The following CNOT4 variants were observed in gnomAD, a reference collection of about 807,000 sequenced individuals.
CNOT4 encodes the protein CCR4-associated factor 4.
CNOT4 carries 8 observed loss-of-function variants against 73.8 expected under a neutral mutation model. The observed-to-expected ratio is 0.11, with a 90% CI of 0.06 to 0.20. CNOT4 has a LOEUF of 0.20. Ranked by LOEUF, CNOT4 falls within the 10% of genes least tolerant of loss-of-function variation. The probability of loss-of-function intolerance (pLI) is 1.00; values close to 1 mark genes in which losing one functional copy is unlikely to be tolerated. For missense variants in CNOT4, 564 were observed against 883.4 expected, an observed-to-expected ratio of 0.64 and a Z score of 4.58; for synonymous variants, 293 against 321.1, an observed-to-expected ratio of 0.91 and a Z score of 0.94.
intron 10 of CNOT4, among the ~76,000 whole-genome samples, chr7:135,368,707 T>C (rs1795041873): frequency 6.6e-6 from 1 of 152,082 alleles, no homozygotes; most frequent in African/African-American, 2.4e-5. Flanking sequence ...TCACAACAGG[T>C]TGAAACTATC....
chr7:135,415,320 T>C lies in CNOT4; in HGVS notation c.373-58A>G, dbSNP rs1050008682. 11 of 852,776 alleles carry C rather than the reference T, an allele frequency of 1.3e-5. No homozygotes were observed. In the African/African-American group the frequency reaches 1.9e-4, roughly 15 times the overall value. The allele number at this position is 852,776 out of a possible 1,614,324, so 52.8% of individuals were successfully genotyped here. A position where few individuals can be genotyped will look rare whatever the true frequency, so the allele number is the denominator to read the frequency against. ...TCCCCATTTTAAACAACTTTATCCT[T>C]ATAATGGAGACATTCATCATCCCTC... On this transcript the variant is annotated intron_variant, in intron 3 of 11. Transcript: ENST00000541284.
intron 1 of CNOT4, among the ~76,000 whole-genome samples, chr7:135,440,221 TA>T (rs71174523): frequency 0.027 from 2,906 of 107,398 alleles, 21 homozygotes; most frequent in Middle Eastern, 0.052. Context: ...ACAGACAAGT[TA>T]AAAAAAAAAA....
chr7:135,421,977 C>T (rs1392717216), intron 3 of CNOT4, among the ~76,000 whole-genome samples, 179 bp downstream of exon 3: 3 of 152,152 alleles, frequency 2.0e-5, no homozygotes, highest in African/African-American at 4.8e-5. Flanking sequence ...AAGACACTTG[C>T]CTAAGATCAC....
intron 8 of CNOT4, 30 bp from the exon 9 acceptor site, chr7:135,395,913 T>A: frequency 6.9e-7 from 1 of 1,455,624 alleles, no homozygotes; most frequent in South Asian, 1.2e-5. Context: ...AAATAATAAC[T>A]ACATGTTTAT....
chr7:135,498,692 G>A (rs969856006), intron 1 of CNOT4, among the ~76,000 whole-genome samples: 5 of 152,130 alleles, frequency 3.3e-5, no homozygotes, highest in African/African-American at 9.7e-5. Flanking sequence ...GGGATTACAG[G>A]CACATGCCAC....
At chr7:135,372,592 C>T (rs1444152701) in intron 10 of CNOT4, among the ~76,000 whole-genome samples, 1 of 145,252 alleles carries the variant, frequency 6.9e-6, no homozygotes, top group East Asian at 2.1e-4. Flanking sequence ...AGTCTCGCTG[C>T]GTCGCTCAGC....
In CNOT4 at chr7:135,363,272, A is replaced by G; in HGVS notation, c.1841-86T>C. On this transcript the variant is annotated intron_variant, in intron 11 of 11. Transcript: ENST00000541284. The surrounding 1 kb of genome is among the most constrained non-coding windows in gnomAD (Gnocchi z 4.3). ...TCAAACAAATTTAGAAAGCAAAACCAAAAGGAAAGACAGAAGAGATTACAA... is the reference window on the plus strand; with the variant it reads ...TCAAACAAATTTAGAAAGCAAAACCGAAAGGAAAGACAGAAGAGATTACAA... 8.0e-7 allele frequency: 1 copy of G among 1,244,236 alleles called. No individual in the cohort carries two copies. Among genetic ancestry groups the G allele is most frequent in the Admixed American group, 1.8e-5 (1 of 56,524 alleles). 77.1% of individuals were successfully genotyped at this position (1,244,236 alleles called of 1,614,324 possible). A position where few individuals can be genotyped will look rare whatever the true frequency, so the allele number is the denominator to read the frequency against.
intron 2 of CNOT4, among the ~76,000 whole-genome samples, chr7:135,432,005 T>C (rs2129485028): frequency 1.3e-5 from 2 of 152,306 alleles, no homozygotes; most frequent in East Asian, 3.9e-4. Context: ...ACTCACAAAC[T>C]GATTCAAAAA....
intron 7 of CNOT4, among the ~76,000 whole-genome samples, chr7:135,400,750 T>C (rs1266410893): frequency 1.3e-5 from 2 of 152,158 alleles, no homozygotes; most frequent in Admixed American, 1.3e-4. Flanking sequence ...GTTTTAAAAT[T>C]TGTAGATTGT....
intron 1 of CNOT4, among the ~76,000 whole-genome samples, chr7:135,442,072 T>C (rs951656575): frequency 2.0e-5 from 3 of 152,214 alleles, no homozygotes; most frequent in Non-Finnish European, 4.4e-5. Flanking sequence ...AAAGTAACTA[T>C]ATGATCTTGG....
At position 135,441,378 on chromosome 7, in the gene CNOT4, T is replaced by C. The variant is rs112760657; in HGVS notation, c.-92-2955A>G. On this transcript the variant is annotated intron_variant, in intron 1 of 11. Transcript: ENST00000541284. ...AATACAACGAAATAGTGTCTTCTTG[T>C]GAATCTATAATTATTTCAAAATAAA... is the stretch of plus-strand genomic sequence containing the variant. 2.6e-5 allele frequency among the ~76,000 whole-genome samples: 4 copies of C among 151,608 alleles called. 1 individual carries two copies. The highest frequency in any genetic ancestry group is 9.7e-5 in the African/African-American group (4 of 41,330).
intron 2 of CNOT4, among the ~76,000 whole-genome samples, chr7:135,437,231 C>T (rs1026858827): frequency 6.6e-6 from 1 of 151,458 alleles, no homozygotes; most frequent in African/African-American, 2.4e-5. Flanking sequence ...GCTCTGTTGC[C>T]CAGGCTGGAG....
At chr7:135,435,846 T>C (rs762959428) in intron 2 of CNOT4, among the ~76,000 whole-genome samples, 5 of 152,190 alleles carry the variant, frequency 3.3e-5, no homozygotes, top group Admixed American at 3.3e-4. Context: ...TCCAGAATGT[T>C]TCCATTAACC....
chr7:135,460,984 C>A (rs1800839963), intron 1 of CNOT4, among the ~76,000 whole-genome samples: 1 of 152,128 alleles, frequency 6.6e-6, no homozygotes, highest in Non-Finnish European at 1.5e-5. Flanking sequence ...TTTGTTTTTA[C>A]AAACCTGTAA....
At chr7:135,401,695 T>C (rs979255344) in intron 7 of CNOT4, among the ~76,000 whole-genome samples, 11 of 152,008 alleles carry the variant, frequency 7.2e-5, no homozygotes, top group African/African-American at 2.4e-4. Context: ...TCCTCAAGGA[T>C]AGAAACAAAG....
intron 1 of CNOT4, among the ~76,000 whole-genome samples, chr7:135,469,018 G>A (rs1221350475): frequency 1.3e-5 from 2 of 152,120 alleles, no homozygotes; most frequent in African/African-American, 4.8e-5. Context: ...AAAGAAATCA[G>A]GGGTGTAATG....
At chr7:135,422,110 A>T in intron 3 of CNOT4, 46 bp downstream of exon 3, 1 of 1,160,526 alleles carries the variant, frequency 8.6e-7, no homozygotes, top group Non-Finnish European at 1.3e-6. Context: ...AAGTAAGACA[A>T]GGAAACAAAA....
At chr7:135,509,035 A>G (rs528682064) in intron 1 of CNOT4, 2 of 152,338 alleles carry the variant, frequency 1.3e-5, no homozygotes, top group South Asian at 4.1e-4. Flanking sequence ...AGCCTGAATA[A>G]AAGATCTTCA....
chr7:135,436,210 T>TAAAA (rs956183360), intron 2 of CNOT4, among the ~76,000 whole-genome samples: 5 of 152,124 alleles, frequency 3.3e-5, no homozygotes, highest in African/African-American at 1.2e-4. Context: ...TTTCTTTTTT[T>TAAAA]ACTTTCTAAG....
Sources: allele counts gnomAD v4.1 joint callset (sites outside exome capture counted in the v4.1 genomes callset), GRCh38; gene constraint gnomAD v4.1.1; non-coding constraint Gnocchi (gnomAD v3.1); transcripts MANE v1.5; gene names NCBI Gene and HGNC (gene_info 2026-07-23, HGNC 2026-07-21).